The following KCNJ5 variants were observed in gnomAD, a reference collection of about 807,000 sequenced individuals.
KCNJ5 encodes the protein G protein-activated inward rectifier potassium channel 4.
A neutral mutation model predicts 20.2 loss-of-function variants in KCNJ5; 12 were observed. The ratio of observed to expected loss-of-function variants is 0.59; its 90% CI spans 0.38 to 0.96. KCNJ5 has a LOEUF of 0.96. Among genes scored for constraint, KCNJ5 ranks in the 40% least tolerant of loss-of-function variants. The pLI, the probability that KCNJ5 is intolerant of heterozygous loss-of-function variation, is 0.00. For synonymous variants in KCNJ5, 210 were observed against 213.9 expected (o/e 0.98, Z 0.16); for missense variants, 449 against 557.6 (o/e 0.81, Z 1.96).
intron 1 of KCNJ5, among the ~76,000 whole-genome samples, chr11:128,907,577 G>T (rs975588374): frequency 1.3e-5 from 2 of 152,206 alleles, no homozygotes; most frequent in African/African-American, 2.4e-5. Context: ...TTTTCCAAAA[G>T]CTTTCATCAT....
In KCNJ5 at chr11:128,917,086, T is replaced by G; in HGVS notation, c.*355T>G. 1 of 176,574 alleles carries G rather than the reference T, an allele frequency of 5.7e-6. No individual in the cohort carries two copies. The allele number at this position is 176,574 out of a possible 1,614,324, so 10.9% of individuals were successfully genotyped here. A position where few individuals can be genotyped will look rare whatever the true frequency, so the allele number is the denominator to read the frequency against. On this transcript the variant is annotated 3_prime_UTR_variant, in exon 3 of 3. Transcript: ENST00000529694. ...ACAGACCCCTCCAGGGGCTGACACCTAGAGAGAACCATCACCTTGTCCCTC... is the reference window on the plus strand; with the variant it reads ...ACAGACCCCTCCAGGGGCTGACACCGAGAGAGAACCATCACCTTGTCCCTC...
chr11:128,893,802 C>T (rs1944130799), intron 1 of KCNJ5, among the ~76,000 whole-genome samples: 1 of 152,212 alleles, frequency 6.6e-6, no homozygotes, highest in Non-Finnish European at 1.5e-5. Context: ...AGTGGGGTTC[C>T]CCACCATGGC....
rs1944595161 is a variant in KCNJ5, at chr11:128,917,035, C to G, written c.*304C>G. 3.4e-6 allele frequency: 1 copy of G among 295,054 alleles called. No homozygotes were observed. Among genetic ancestry groups the G allele is most frequent in the Non-Finnish European group, 6.3e-6 (1 of 158,258 alleles). 18.3% of individuals were successfully genotyped at this position (295,054 alleles called of 1,614,324 possible). On this transcript the variant is annotated 3_prime_UTR_variant, in exon 3 of 3. Transcript: ENST00000529694. ...GGATGGCATCTGTTCTCTCCATGCCCTGGGTCACTTCCTTTTTTGGGTCTC... is the reference window on the plus strand; with the variant it reads ...GGATGGCATCTGTTCTCTCCATGCCGTGGGTCACTTCCTTTTTTGGGTCTC...
At position 128,916,436 on chromosome 11, in the gene KCNJ5, A is replaced by C. The variant is rs1591453958; in HGVS notation, c.965A>C (p.Tyr322Ser). ...TGMTCQARSS[Y>S]MDTEVLWGHR... ...ATGACCTGCCAAGCCCGGAGCTCCT[A>C]CATGGATACAGAGGTGCTCTGGGGC... Residue 322 changes from tyrosine to serine, a missense_variant, in exon 3 of 3, where the codon TAC (tyrosine) becomes TCC (serine). Tyr to Ser is a moderately radical substitution (Grantham distance 144). Around this residue, in one of 5 missense-constraint regions of KCNJ5, gnomAD observed 145 missense variants for 166.2 expected, o/e 0.87. Transcript: ENST00000529694. The C allele has an allele frequency of 2.5e-6, 4 of 1,614,198 alleles. No homozygotes were observed. The highest frequency in any genetic ancestry group is 3.4e-6 in the Non-Finnish European group (4 of 1,180,016).
intron 1 of KCNJ5, chr11:128,902,564 G>A (rs990365406): frequency 6.2e-7 from 1 of 1,603,874 alleles, no homozygotes; most frequent in African/African-American, 1.3e-5. Context: ...GGGCTAGTTA[G>A]GACCACCGGA....
intron 1 of KCNJ5, among the ~76,000 whole-genome samples, chr11:128,903,023 C>A (rs1944317583): frequency 6.6e-6 from 1 of 152,150 alleles, no homozygotes; most frequent in Admixed American, 6.5e-5. Context: ...TCTTGCAGTA[C>A]TGGCTCCACG....
intron 1 of KCNJ5, chr11:128,903,492 C>A: frequency 6.2e-7 from 1 of 1,614,130 alleles, no homozygotes; most frequent in Non-Finnish European, 8.5e-7. Flanking sequence ...TACCCTCACT[C>A]CTGACAGAGG....
At chr11:128,906,260 A>G (rs1005586697) in intron 1 of KCNJ5, among the ~76,000 whole-genome samples, 3 of 152,244 alleles carry the variant, frequency 2.0e-5, no homozygotes, top group Non-Finnish European at 4.4e-5. Context: ...CCTCAGCTCC[A>G]GGCAAAATAG....
intron 1 of KCNJ5, among the ~76,000 whole-genome samples, chr11:128,910,420 G>C (rs934974802): frequency 7.2e-5 from 11 of 152,204 alleles, no homozygotes; most frequent in African/African-American, 2.7e-4. Flanking sequence ...TAAGCACTCA[G>C]ATGGCTGCAG....
chr11:128,912,829 A>G (rs927060489), intron 2 of KCNJ5, among the ~76,000 whole-genome samples: 4 of 152,180 alleles, frequency 2.6e-5, no homozygotes, highest in Non-Finnish European at 4.4e-5. Flanking sequence ...TTATTAAGGT[A>G]CAGATAAAGA....
chr11:128,911,037 C>G lies in KCNJ5; in HGVS notation c.-10-227C>G. 2 of 567,236 alleles carry G rather than the reference C, an allele frequency of 3.5e-6. No individual in the cohort carries two copies. The highest frequency in any genetic ancestry group is 3.1e-6 in the Non-Finnish European group (1 of 318,180). The allele number at this position is 567,236 out of a possible 1,614,324, so 35.1% of individuals were successfully genotyped here. On this transcript the variant is annotated intron_variant, in intron 1 of 2. Transcript: ENST00000529694. The surrounding 1 kb of genome is among the most constrained non-coding windows in gnomAD (Gnocchi z 6.3). ...AGATATTGTTCATTTATTCATTCAA[C>G]AAACAGCTAGCAAGCATCTATTTTG...
At chr11:128,908,583 T>G (rs568995157) in intron 1 of KCNJ5, among the ~76,000 whole-genome samples, 9 of 152,316 alleles carry the variant, frequency 5.9e-5, no homozygotes, top group African/African-American at 2.2e-4. Flanking sequence ...GAAAACATTT[T>G]CCCGTTTCTA....
At chr11:128,903,093 T>G (rs1269708790) in intron 1 of KCNJ5, among the ~76,000 whole-genome samples, 2 of 152,184 alleles carry the variant, frequency 1.3e-5, no homozygotes, top group Non-Finnish European at 2.9e-5. Flanking sequence ...GAACTGCGTG[T>G]GTGTACAGCT....
Position 128,911,805 on chromosome 11 carries a change from G to C in KCNJ5, c.532G>C (p.Val178Leu). Reference protein sequence around the residue: ...LLVQAILGSIVNAFMVGCMFV... With the variant: ...LLVQAILGSILNAFMVGCMFV... ...GGTCCAGGCCATCCTGGGCTCCATCGTCAATGCCTTCATGGTGGGGTGCAT... is the reference window on the plus strand; with the variant it reads ...GGTCCAGGCCATCCTGGGCTCCATCCTCAATGCCTTCATGGTGGGGTGCAT... The change falls in exon 2 of 3, where the codon GTC becomes CTC. Residue 178 changes from valine to leucine, a missense_variant. Val to Leu is a conservative substitution (Grantham distance 32, BLOSUM62 1). Around this residue, in one of 5 missense-constraint regions of KCNJ5, gnomAD observed 203 missense variants for 258.0 expected, o/e 0.79. Transcript: ENST00000529694. This position sits in a 1 kb window ranked among gnomAD's most constrained non-coding sequence, Gnocchi z 6.3. 1 of 1,614,184 alleles carries C rather than the reference G, an allele frequency of 6.2e-7. No individual in the cohort carries two copies. The highest frequency in any genetic ancestry group is 1.1e-5 in the South Asian group (1 of 91,084).
Position 128,916,604 on chromosome 11 carries a change from A to C in KCNJ5, c.1133A>C (p.Gln378Pro), listed in dbSNP as rs544093099. ...AEMKREGRLL[Q>P]YLPSPPLLGG... is the part of the protein sequence containing the mutation. ...ATGAAGAGGGAAGGCCGGCTCCTCC[A>C]GTACCTCCCCAGCCCCCCACTGCTG... The change falls in exon 3 of 3, where the codon CAG (glutamine) becomes CCG (proline). Residue 378 changes from glutamine to proline, a missense_variant. Physicochemically the swap from Gln to Pro is moderately conservative, Grantham distance 76. Coordinates refer to ENST00000529694, the MANE Select transcript of KCNJ5 (RefSeq NM_000890.5). 2.3e-5 allele frequency: 37 copies of C among 1,613,954 alleles called. No individual in the cohort carries two copies. Among genetic ancestry groups the C allele is most frequent in the Non-Finnish European group, 3.1e-5 (36 of 1,179,956 alleles).
chr11:128,908,312 TGGAGGAGCAGAGGATATTATCTG>T (rs1944452569), intron 1 of KCNJ5, among the ~76,000 whole-genome samples: 2 of 152,238 alleles, frequency 1.3e-5, no homozygotes, highest in Non-Finnish European at 2.9e-5. Context: ...CTCCCAGGGC[TGGAGGAGCAGAGGATATTATCTG>T]GGATTTATAG....
chr11:128,915,406 C>T (rs982156218), intron 2 of KCNJ5, among the ~76,000 whole-genome samples: 8 of 152,182 alleles, frequency 5.3e-5, no homozygotes, highest in African/African-American at 1.9e-4. Flanking sequence ...GTGGAGCCCT[C>T]TCTCCGTATG....
In KCNJ5 at chr11:128,891,460, A is replaced by AGAGAGAGAGAGAGAGAGAGAGAGG. The variant is rs1565540584; in HGVS notation, c.-256_-255insGAGAGAGGGAGAGAGAGAGAGAGA. On this transcript the variant is annotated 5_prime_UTR_variant, in exon 1 of 3. Coordinates refer to ENST00000529694, the MANE Select transcript of KCNJ5 (RefSeq NM_000890.5). ...CACACACAGAGAGAGAGAGAGAGAG[A>AGAGAGAGAGAGAGAGAGAGAGAGG]GAGAGAGAGAGAGAGATTGTTCCAG... 1 of 150,744 alleles carries AGAGAGAGAGAGAGAGAGAGAGAGG rather than the reference A, an allele frequency of 6.6e-6. No homozygotes were observed. Among genetic ancestry groups the AGAGAGAGAGAGAGAGAGAGAGAGG allele is most frequent in the Admixed American group, 6.6e-5 (1 of 15,188 alleles). The allele number at this position is 150,744 out of a possible 1,614,324, so 9.3% of individuals were successfully genotyped here.
Position 128,916,764 on chromosome 11 carries a change from G to A in KCNJ5, c.*33G>A. The A allele has an allele frequency of 6.7e-7, 1 of 1,502,204 alleles. No homozygotes were observed. The highest frequency in any genetic ancestry group is 2.0e-5 in the Admixed American group (1 of 50,654). The allele number at this position is 1,502,204 out of a possible 1,614,324, so 93.1% of individuals were successfully genotyped here. On this transcript the variant is annotated 3_prime_UTR_variant, in exon 3 of 3. Transcript: ENST00000529694. ...AGCCTCCCTAAGACCTCCTGTCACT[G>A]GCTTCAGTGAACACAGACACTGCAG...
Sources: gnomAD v4.1 joint callset for allele counts (sites outside exome capture counted in the v4.1 genomes callset) on GRCh38, gnomAD v4.1.1 for gene constraint, gnomAD v4.1.1 regional missense constraint, Gnocchi (gnomAD v3.1) non-coding constraint, MANE v1.5 for transcripts, NCBI Gene and HGNC (gene_info 2026-07-23, HGNC 2026-07-21) for gene names.